The following POTEE variants were observed in gnomAD, a reference collection of about 807,000 sequenced individuals.
The protein encoded by POTEE is ANKRD26-like family C member 1A.
POTEE carries 21 observed loss-of-function variants against 74.2 expected under a neutral mutation model. The ratio of observed to expected loss-of-function variants is 0.28; its 90% confidence interval spans 0.20 to 0.41. POTEE has a LOEUF of 0.41. Among genes scored for constraint, POTEE ranks in the 10% least tolerant of loss-of-function variants. POTEE has a pLI of 1.00. For synonymous variants in POTEE, 211 were observed against 432.8 expected, an observed-to-expected ratio of 0.49 and a Z score of 6.36; for missense variants, 525 against 1,158.6, an observed-to-expected ratio of 0.45 and a Z score of 7.94.
intron 9 of POTEE, among the ~76,000 whole-genome samples, chr2:131,232,830 C>T (rs983486328): frequency 1.3e-4 from 20 of 151,828 alleles, no homozygotes; most frequent in African/African-American, 4.6e-4. Flanking sequence ...ACATCTTGTT[C>T]TCACAACACA....
intron 16 of POTEE, among the ~76,000 whole-genome samples, chr2:131,256,791 G>GA: frequency 6.8e-6 from 1 of 146,676 alleles, no homozygotes; most frequent in South Asian, 2.2e-4. Context: ...CTAATCCAGA[G>GA]AAAATGAAGA....
At chr2:131,225,869 A>G (rs1325579720) in intron 6 of POTEE, among the ~76,000 whole-genome samples, 3 of 152,110 alleles carry the variant, frequency 2.0e-5, no homozygotes, top group Non-Finnish European at 2.9e-5. Flanking sequence ...AATGAATATT[A>G]TTGGTAGTAT....
chr2:131,218,281 G>T (rs1300620669), intron 3 of POTEE, 29 bp from the exon 4 acceptor site: 4 of 1,562,308 alleles, frequency 2.6e-6, no homozygotes, highest in Non-Finnish European at 3.5e-6. Flanking sequence ...GGCAGGTTTT[G>T]GCTGGGATTG....
chr2:131,228,905 CCACT>C (rs1042511913), intron 8 of POTEE, among the ~76,000 whole-genome samples: 2 of 145,008 alleles, frequency 1.4e-5, no homozygotes, highest in Non-Finnish European at 1.5e-5. Context: ...TGCTTTGTGG[CCACT>C]CAAACTGGTC....
At chr2:131,219,966 C>G (rs1416079106) in intron 4 of POTEE, among the ~76,000 whole-genome samples, 4 of 151,244 alleles carry the variant, frequency 2.6e-5, no homozygotes, top group East Asian at 1.9e-4. Flanking sequence ...TCAATGAATA[C>G]AACAGAATAG....
rs569338535 is a variant in POTEE at position 131,218,738 on chromosome 2, C to G, written c.336C>G (p.Ser112Arg). The part of the protein sequence containing the change: ...CCHCFPCCRG[S>R]GKSKVGAWGD... ...ACTGCTTCCCCTGCTGCAGGGGGAG[C>G]GGCAAGAGCAAGGTGGGCGCTTGGG... Residue 112 changes from serine (S) to arginine (R), a missense_variant, in exon 4 of 18, where the codon AGC becomes AGG. Physicochemically the swap from Ser to Arg is moderately radical, Grantham distance 110 (BLOSUM62 -1). Coordinates refer to ENST00000683005, the MANE Select transcript of POTEE (RefSeq NM_001083538.3). 1 of 1,609,900 alleles carries G rather than the reference C, an allele frequency of 6.2e-7. No homozygotes were observed. The highest frequency in any genetic ancestry group is 1.3e-5 in the African/African-American group (1 of 74,394).
chr2:131,210,593 A>C (rs866047457), intron 1 of POTEE, among the ~76,000 whole-genome samples: 6 of 152,066 alleles, frequency 3.9e-5, no homozygotes, highest in Middle Eastern at 6.8e-3. Context: ...CCCCACACCC[A>C]CTGCGGTTCT....
Position 131,262,306 on chromosome 2 carries a change from A to G in POTEE, c.1899+460A>G, listed in dbSNP as rs965794978. Among the ~76,000 whole-genome samples, 16 of 133,394 alleles carry G rather than the reference A, an allele frequency of 1.2e-4. No individual in the cohort carries two copies. The East Asian group carries it at 1.3e-3, about 11-fold the overall frequency. 87.5% of individuals were successfully genotyped at this position (133,394 alleles called of 152,430 possible). A position where few individuals can be genotyped will look rare whatever the true frequency, so the allele number is the denominator to read the frequency against. Reference sequence around the variant, plus strand: ...TTGCAGAGAGGAACAGTTTGCTCCAAGTAGTTTCTCATTTCAGTGTAAAGA... The same window carrying G: ...TTGCAGAGAGGAACAGTTTGCTCCAGGTAGTTTCTCATTTCAGTGTAAAGA... On this transcript the variant is annotated intron_variant, in intron 17 of 17. Transcript: ENST00000683005.
intron 2 of POTEE, among the ~76,000 whole-genome samples, 184 bp downstream of exon 2, chr2:131,211,367 T>G (rs564095911): frequency 1.5e-4 from 22 of 151,208 alleles, no homozygotes; most frequent in African/African-American, 4.1e-4. Flanking sequence ...AGGAACCTGC[T>G]GGTGCTGTAC....
Position 131,263,939 on chromosome 2 carries a change from C to T in POTEE, c.2484C>T (p.Asn828=), listed in dbSNP as rs772185367. The T allele has an allele frequency of 1.9e-6, 3 of 1,614,110 alleles. No homozygotes were observed. Among genetic ancestry groups the T allele is most frequent in the Non-Finnish European group, 2.5e-6 (3 of 1,180,060 alleles). The part of the protein sequence containing the change: ...KMTQIMFETF[N]TPAMYVAIQA... ...CCCAGATCATGTTTGAGACCTTCAACACCCCAGCCATGTACGTGGCCATCC... is the reference window on the plus strand; with the variant it reads ...CCCAGATCATGTTTGAGACCTTCAATACCCCAGCCATGTACGTGGCCATCC... Residue 828 remains asparagine, a synonymous_variant, in exon 18 of 18, where the codon AAC becomes AAT. Transcript: ENST00000683005.
Position 131,218,660 on chromosome 2 carries a change from C to G in POTEE, c.258C>G (p.His86Gln). The G allele has an allele frequency of 1.2e-6, 2 of 1,601,288 alleles. No homozygotes were observed. Among genetic ancestry groups the G allele is most frequent in the Non-Finnish European group, 1.7e-6 (2 of 1,174,962 alleles). The change falls in exon 4 of 18, where the codon CAC becomes CAG. Residue 86 changes from histidine to glutamine, a missense_variant. Physicochemically the swap from His to Gln is conservative, Grantham distance 24. Transcript: ENST00000683005. Reference sequence around the variant, plus strand: ...GCAACGTGGGCGCTTCTGGAGACCACGACGACTCTGCTATGAAGACACTCA... The same window carrying G: ...GCAACGTGGGCGCTTCTGGAGACCAGGACGACTCTGCTATGAAGACACTCA... ...GKSNVGASGD[H>Q]DDSAMKTLRN...
chr2:131,217,860 G>A (rs1700484709), intron 3 of POTEE, among the ~76,000 whole-genome samples, 177 bp downstream of exon 3: 1 of 150,124 alleles, frequency 6.7e-6, no homozygotes, highest in East Asian at 2.0e-4. Context: ...CGGTTTGGCC[G>A]GCCTGTAACG....
intron 4 of POTEE, among the ~76,000 whole-genome samples, chr2:131,219,603 C>G (rs10174575): frequency 0.04 from 6,076 of 151,538 alleles, 422 homozygotes; most frequent in African/African-American, 0.14. Context: ...TGGGTGCGGT[C>G]GTAGACGCCT....
intron 4 of POTEE, among the ~76,000 whole-genome samples, chr2:131,221,270 C>A (rs1248221025): frequency 1.3e-5 from 2 of 151,858 alleles, no homozygotes; most frequent in East Asian, 1.9e-4. Flanking sequence ...ATAGGATGGA[C>A]TAATATGTAA....
intron 8 of POTEE, among the ~76,000 whole-genome samples, chr2:131,229,896 A>G (rs553672244): frequency 6.6e-6 from 1 of 152,142 alleles, no homozygotes; most frequent in African/African-American, 2.4e-5. Context: ...ATATATTGTT[A>G]GTATGTATGT....
intron 2 of POTEE, among the ~76,000 whole-genome samples, chr2:131,214,223 C>G (rs186536339): frequency 1.3e-5 from 2 of 152,384 alleles, no homozygotes; most frequent in South Asian, 2.1e-4. Flanking sequence ...CTAAGGCTCT[C>G]CTCTGTTTTG....
intron 16 of POTEE, among the ~76,000 whole-genome samples, chr2:131,256,841 G>T (rs1162024663): frequency 2.0e-5 from 3 of 152,264 alleles, no homozygotes; most frequent in Non-Finnish European, 4.4e-5. Flanking sequence ...TAACAGAAAG[G>T]AATTAGGATT....
chr2:131,217,900 C>G (rs1700486157), intron 3 of POTEE, among the ~76,000 whole-genome samples: 1 of 148,572 alleles, frequency 6.7e-6, no homozygotes, highest in African/African-American at 2.5e-5. Flanking sequence ...ACGCGCGTAA[C>G]GGCTTGGCTG....
rs1260817755 is a variant in POTEE at position 131,211,173 on chromosome 2, C to T, written c.-199C>T. Among the ~76,000 whole-genome samples, 2 of 151,610 alleles carry T rather than the reference C, an allele frequency of 1.3e-5. No individual in the cohort carries two copies. Among genetic ancestry groups the T allele is most frequent in the Admixed American group, 6.6e-5 (1 of 15,254 alleles). On this transcript the variant is annotated 5_prime_UTR_variant, in exon 2 of 18. It introduces an in-frame stop codon into an upstream open reading frame of the 5' UTR. Coordinates refer to ENST00000683005, the MANE Select transcript of POTEE (RefSeq NM_001083538.3). Reference sequence around the variant, plus strand: ...GATGGCAGCCACGGAGACTGCAGCTCGACAGGAGTGGTAGGAGGGTGCCCG... The same window carrying T: ...GATGGCAGCCACGGAGACTGCAGCTTGACAGGAGTGGTAGGAGGGTGCCCG...
Sources: allele counts gnomAD v4.1 joint callset (sites outside exome capture counted in the v4.1 genomes callset), GRCh38; gene constraint gnomAD v4.1.1; transcripts MANE v1.5; gene names NCBI Gene and HGNC (gene_info 2026-07-23, HGNC 2026-07-21).